Variants in CCDC171 observed in about 807,000 individuals in gnomAD.
CCDC171 encodes the protein coiled-coil domain containing 171, also known as coiled-coil domain-containing protein 171.
CCDC171 carries 177 observed loss-of-function variants against 168.2 expected under a neutral mutation model. The ratio of observed to expected loss-of-function variants is 1.05; its 90% CI spans 0.93 to 1.19. The LOEUF is 1.19. Among genes scored for constraint, CCDC171 ranks in the 50% most tolerant of loss-of-function variants. The pLI is 0.00. For missense variants in CCDC171, 1,991 were observed against 1,539.0 expected, an observed-to-expected ratio of 1.29 and a Z score of -4.91; for synonymous variants, 687 against 540.8, an observed-to-expected ratio of 1.27 and a Z score of -3.75.
At chr9:15,733,907 G>A (rs2054312469) in intron 16 of CCDC171, among the ~76,000 whole-genome samples, 3 of 152,042 alleles carry the variant, frequency 2.0e-5, no homozygotes. Flanking sequence ...AGCTGGGACT[G>A]TAGGCATGCA....
At chr9:15,759,509 G>A (rs963064665) in intron 18 of CCDC171, among the ~76,000 whole-genome samples, 1 of 152,106 alleles carries the variant, frequency 6.6e-6, no homozygotes, top group Non-Finnish European at 1.5e-5. Context: ...TATAGCAGAA[G>A]GATCTAGTTT....
intron 24 of CCDC171, chr9:15,886,402 A>G (rs1006569482): frequency 6.6e-5 from 10 of 152,218 alleles, no homozygotes. Flanking sequence ...ATGAAAATCA[A>G]AACCACAATG....
At chr9:15,929,697 A>C (rs968654239) in intron 25 of CCDC171, among the ~76,000 whole-genome samples, 1 of 151,758 alleles carries the variant, frequency 6.6e-6, no homozygotes. Context: ...AAGTTTTCTC[A>C]TATCTAGTCT....
upstream of CCDC171, among the ~76,000 whole-genome samples, chr9:16,040,179 A>T (rs745666828): frequency 6.6e-6 from 1 of 152,156 alleles, no homozygotes; most frequent in Non-Finnish European, 1.5e-5. Flanking sequence ...AGCCAGACGC[A>T]TACTCCACCA....
At chr9:15,817,139 T>C (rs1446253301) in intron 21 of CCDC171, among the ~76,000 whole-genome samples, 1 of 117,922 alleles carries the variant, frequency 8.5e-6, no homozygotes, top group East Asian at 2.1e-4. Context: ...GTGTTACCAT[T>C]AAAACACCAA....
At chr9:15,984,626 A>G (rs2132881551) in intron 3 of CCDC171, among the ~76,000 whole-genome samples, 1 of 152,294 alleles carries the variant, frequency 6.6e-6, no homozygotes, top group African/African-American at 2.4e-5. Flanking sequence ...TAAATTGTCC[A>G]ATAAATCTTA....
chr9:15,859,913 C>T (rs2130952354), intron 23 of CCDC171, among the ~76,000 whole-genome samples: 1 of 151,986 alleles, frequency 6.6e-6, no homozygotes, highest in East Asian at 1.9e-4. Context: ...AGCACTCCTC[C>T]CACCTTGGCC....
At chr9:15,915,859 A>G (rs957695099) in intron 24 of CCDC171, among the ~76,000 whole-genome samples, 10 of 152,060 alleles carry the variant, frequency 6.6e-5, no homozygotes, top group African/African-American at 2.4e-4. Context: ...CTCTGCATCT[A>G]TTGAGATGAT....
intron 3 of CCDC171, among the ~76,000 whole-genome samples, chr9:16,008,137 T>C (rs1832759967): frequency 6.6e-6 from 1 of 152,218 alleles, no homozygotes; most frequent in Non-Finnish European, 1.5e-5. Context: ...GTGTCATATT[T>C]AATACTCCAT....
At chr9:16,097,786 G>A in the CCDC171 span, among the ~76,000 whole-genome samples, 1 of 152,306 alleles carries the variant, frequency 6.6e-6, no homozygotes, top group South Asian at 2.1e-4. Context: ...CTCTCAGAAC[G>A]AATCTGATCT....
At chr9:15,987,981 T>C (rs764742926) in intron 3 of CCDC171, among the ~76,000 whole-genome samples, 17 of 152,238 alleles carry the variant, frequency 1.1e-4, no homozygotes, top group Non-Finnish European at 2.2e-4. Context: ...TTGTGGACAA[T>C]CTGTGGTTGT....
At chr9:16,023,617 G>A (rs1028813468) in intron 6 of CCDC171, among the ~76,000 whole-genome samples, 5 of 152,204 alleles carry the variant, frequency 3.3e-5, no homozygotes, top group African/African-American at 1.2e-4. Context: ...GAAGGACTCA[G>A]CCCTTTCCAA....
chr9:15,842,443 G>A (rs907379654), intron 21 of CCDC171, among the ~76,000 whole-genome samples: 4 of 151,986 alleles, frequency 2.6e-5, no homozygotes, highest in Non-Finnish European at 4.4e-5. Context: ...CCAATTCAGG[G>A]AATTCATTCA....
chr9:15,828,522 C>A (rs1044004058), intron 21 of CCDC171, among the ~76,000 whole-genome samples: 3 of 152,052 alleles, frequency 2.0e-5, no homozygotes, highest in Admixed American at 1.3e-4. Flanking sequence ...AGATAGCTTT[C>A]AAAAGAAAGA....
chr9:15,970,968 A>G (rs1026689814), intron 25 of CCDC171, among the ~76,000 whole-genome samples: 10 of 152,160 alleles, frequency 6.6e-5, no homozygotes, highest in Admixed American at 4.6e-4. Flanking sequence ...AGAATTACCC[A>G]TGTAACAAAT....
At chr9:15,861,488 A>G (rs1303995379) in intron 23 of CCDC171, among the ~76,000 whole-genome samples, 1 of 151,288 alleles carries the variant, frequency 6.6e-6, no homozygotes, top group African/African-American at 2.4e-5. Flanking sequence ...TTTTGTATTG[A>G]TAAACTTTTA....
intron 11 of CCDC171, among the ~76,000 whole-genome samples, chr9:15,718,365 C>T (rs2053226903): frequency 6.6e-6 from 1 of 152,240 alleles, no homozygotes; most frequent in African/African-American, 2.4e-5. Context: ...GGCTTCTGGA[C>T]AGCATCTCTG....
intron 22 of CCDC171, 66 bp downstream of exon 22, chr9:15,846,913 C>A (rs1419574711): frequency 2.1e-6 from 3 of 1,438,004 alleles, no homozygotes; most frequent in Admixed American, 2.1e-5. Flanking sequence ...CTTTCATGCT[C>A]CGGGTTTTAG....
intron 1 of CCDC171, among the ~76,000 whole-genome samples, chr9:16,051,599 A>G (rs992723982): frequency 2.6e-5 from 4 of 152,160 alleles, no homozygotes; most frequent in Non-Finnish European, 5.9e-5. Flanking sequence ...CACACCATTG[A>G]AAAACAAATT....
Sources: allele counts gnomAD v4.1 joint callset (sites outside exome capture counted in the v4.1 genomes callset), GRCh38; gene constraint gnomAD v4.1.1; transcripts MANE v1.5; gene names NCBI Gene and HGNC (gene_info 2026-07-23, HGNC 2026-07-21).